The following JADE3 variants were observed in gnomAD, a reference collection of about 807,000 sequenced individuals.
The protein encoded by JADE3 is jade family PHD finger 3, also known as protein Jade-3.
JADE3 carries 2 observed loss-of-function variants against 50.1 expected under a neutral mutation model. The observed-to-expected ratio is 0.04, with a 90% confidence interval of 0.02 to 0.13. The LOEUF is 0.13. Among genes scored for constraint, JADE3 ranks in the 10% least tolerant of loss-of-function variants. JADE3 has a pLI of 1.00. For missense variants in JADE3, 475 were observed against 634.4 expected (o/e 0.75, Z 2.70); for synonymous variants, 218 against 232.9 (o/e 0.94, Z 0.58).
At chrX:46,936,612 A>G (rs1926629951) in intron 1 of JADE3, among the ~76,000 whole-genome samples, 1 of 111,127 alleles carries the variant, frequency 9.0e-6, no homozygotes, top group Non-Finnish European at 1.9e-5. Context: ...CTTTTTTAAA[A>G]GGTTTTAAAC....
At position 47,039,390 on chromosome X, in the gene JADE3, C is replaced by CTT. The variant is rs34509375; in HGVS notation, c.972+338_972+339dup. Among the ~76,000 whole-genome samples, 885 of 96,254 alleles carry CTT rather than the reference C, an allele frequency of 9.2e-3. 4 individuals carry two copies. The highest frequency in any genetic ancestry group is 0.022 in the Middle Eastern group (4 of 183). The allele number at this position is 96,254 out of a possible 115,157, so 83.6% of individuals were successfully genotyped here. On this transcript the variant is annotated intron_variant, in intron 8 of 10. Coordinates refer to ENST00000614628, the MANE Select transcript of JADE3 (RefSeq NM_014735.5). Reference sequence around the variant, plus strand: ...ATTCTGAAACAACCAGGCCCATGTTCTTTTTTTTTTTTTTAATTTCAACTT... The same window carrying CTT: ...ATTCTGAAACAACCAGGCCCATGTTCTTTTTTTTTTTTTTTTAATTTCAACTT...
chrX:46,975,623 G>A (rs782103044), intron 1 of JADE3, among the ~76,000 whole-genome samples: 17 of 107,928 alleles, frequency 1.6e-4, no homozygotes, highest in African/African-American at 1.0e-4. Context: ...GTGATAGGTC[G>A]GTTTTATTTT....
Position 46,935,685 on chromosome X carries a change from C to T in JADE3, c.-12+22966C>T, listed in dbSNP as rs184208889. 8.5e-4 allele frequency among the ~76,000 whole-genome samples: 94 copies of T among 110,611 alleles called. 1 individual carries two copies. The highest frequency in any genetic ancestry group is 3.0e-3 in the African/African-American group (90 of 30,216). ...GAAAATCATCCTCCCTTCCCCCGTC[C>T]GTGGAAAATTGAAACCTGTCCCTGG... On this transcript the variant is annotated intron_variant, in intron 1 of 10. Coordinates refer to ENST00000614628, the MANE Select transcript of JADE3 (RefSeq NM_014735.5).
At chrX:46,923,200 G>A (rs377088755) in intron 1 of JADE3, among the ~76,000 whole-genome samples, 11 of 107,664 alleles carry the variant, frequency 1.0e-4, no homozygotes, top group African/African-American at 3.0e-4. Context: ...CTTTTGTAGA[G>A]ATGGGGTTTC....
At chrX:47,008,860 G>C in intron 4 of JADE3, among the ~76,000 whole-genome samples, 1 of 111,314 alleles carries the variant, frequency 9.0e-6, no homozygotes, top group East Asian at 2.8e-4. Flanking sequence ...GTATGTAGAT[G>C]TGTGTGTCAA....
intron 4 of JADE3, among the ~76,000 whole-genome samples, chrX:47,004,888 A>T (rs1305254733): frequency 8.9e-6 from 1 of 112,407 alleles, no homozygotes; most frequent in African/African-American, 3.2e-5. Flanking sequence ...TGTTGCTTTC[A>T]TTTTAAAATT....
At chrX:46,936,183 T>A (rs1220251689) in intron 1 of JADE3, among the ~76,000 whole-genome samples, 1 of 109,879 alleles carries the variant, frequency 9.1e-6, no homozygotes, top group African/African-American at 3.3e-5. Flanking sequence ...CATACCCAGC[T>A]AATTTTTGTA....
At chrX:47,007,998 T>G (rs1041766998) in intron 4 of JADE3, among the ~76,000 whole-genome samples, 4 of 111,276 alleles carry the variant, frequency 3.6e-5, no homozygotes, top group African/African-American at 1.3e-4. Flanking sequence ...AATTAAAAAC[T>G]TCCCCTAAAA....
intron 4 of JADE3, among the ~76,000 whole-genome samples, chrX:47,006,971 T>C (rs1449728560): frequency 1.8e-5 from 2 of 110,191 alleles, no homozygotes; most frequent in East Asian, 2.8e-4. Flanking sequence ...TTTCTTTTTT[T>C]TTTTCTTTTC....
At chrX:46,998,407 C>T (rs1928189471) in intron 4 of JADE3, 130 bp downstream of exon 4, 2 of 556,750 alleles carry the variant, frequency 3.6e-6, no homozygotes, top group Non-Finnish European at 5.7e-6. Context: ...CACCAATTCA[C>T]TCAGACCAGT....
intron 7 of JADE3, among the ~76,000 whole-genome samples, chrX:47,038,148 AG>A (rs1440666529): frequency 8.9e-6 from 1 of 112,303 alleles, no homozygotes; most frequent in Admixed American, 9.4e-5. Context: ...ATGGTTGAAT[AG>A]TACTCCATTG....
At chrX:47,025,538 CAAAT>C (rs1382380465) in intron 5 of JADE3, among the ~76,000 whole-genome samples, 1 of 112,077 alleles carries the variant, frequency 8.9e-6, no homozygotes, top group Non-Finnish European at 1.9e-5. Flanking sequence ...CAAAAACAAG[CAAAT>C]AAATTTATGT....
rs782728907 is a variant in JADE3 at position 47,007,807 on chromosome X, TTGTGTGTGTGTGTGTGTGTGTG to T, written c.284+9558_284+9579del. Among the ~76,000 whole-genome samples the T allele has an allele frequency of 4.2e-5, 3 of 70,833 alleles. No homozygotes were observed. In the Admixed American group the frequency reaches 5.8e-4, roughly 14 times the overall value. 61.5% of individuals were successfully genotyped at this position (70,833 alleles called of 115,157 possible). A position where few individuals can be genotyped will look rare whatever the true frequency, so the allele number is the denominator to read the frequency against. On this transcript the variant is annotated intron_variant, in intron 4 of 10. Transcript: ENST00000614628. ...TAGGACTTCAGCGTGTCCTTTTATT[TTGTGTGTGTGTGTGTGTGTGTG>T]TGTGTGTGTGTGTGTGTGTGTGTGT...
chrX:47,012,920 C>T (rs782238821), intron 4 of JADE3, among the ~76,000 whole-genome samples: 1 of 111,351 alleles, frequency 9.0e-6, no homozygotes, highest in African/African-American at 3.3e-5. Context: ...AACCCACCTA[C>T]CTTGGTTCCA....
At chrX:47,009,911 C>T (rs1928518716) in intron 4 of JADE3, among the ~76,000 whole-genome samples, 1 of 109,562 alleles carries the variant, frequency 9.1e-6, no homozygotes, top group Non-Finnish European at 1.9e-5. Context: ...AGGTGTGAAC[C>T]ACTATGCCTG....
intron 1 of JADE3, among the ~76,000 whole-genome samples, chrX:46,959,156 C>T (rs1165760861): frequency 1.8e-5 from 2 of 112,566 alleles, no homozygotes; most frequent in African/African-American, 3.2e-5. Flanking sequence ...ATGAAGTCCA[C>T]AGGCTGCTGA....
chrX:47,045,561 C>A (rs1195264286), intron 8 of JADE3, among the ~76,000 whole-genome samples: 3 of 112,638 alleles, frequency 2.7e-5, no homozygotes, highest in Admixed American at 9.4e-5. Context: ...TAGATATTTA[C>A]AGAACATTTC....
At chrX:46,988,608 C>A (rs1386615375) in intron 3 of JADE3, among the ~76,000 whole-genome samples, 1 of 111,367 alleles carries the variant, frequency 9.0e-6, no homozygotes, top group African/African-American at 3.3e-5. Context: ...TTAGAGAGAA[C>A]AAACCTGGAA....
intron 1 of JADE3, among the ~76,000 whole-genome samples, chrX:46,963,059 G>A (rs1476727272): frequency 9.0e-6 from 1 of 111,061 alleles, no homozygotes; most frequent in African/African-American, 3.3e-5. Context: ...GGCTGGTCTC[G>A]AACTCCTGAC....
Sources: gnomAD v4.1 joint callset for allele counts (sites outside exome capture counted in the v4.1 genomes callset) on GRCh38, gnomAD v4.1.1 for gene constraint, MANE v1.5 for transcripts, NCBI Gene and HGNC (gene_info 2026-07-23, HGNC 2026-07-21) for gene names.